Variants in ITGA9 observed in about 807,000 individuals in gnomAD.
ITGA9 encodes the protein integrin subunit alpha 9, also known as integrin alpha-9.
In ITGA9, 56 loss-of-function variants were observed where a neutral mutation model predicts 127.8. The ratio of observed to expected loss-of-function variants is 0.44; its 90% CI spans 0.35 to 0.55. ITGA9 has a LOEUF of 0.55. Among genes scored for constraint, ITGA9 ranks in the 20% least tolerant of loss-of-function variants. The probability of loss-of-function intolerance (pLI) is 0.00; values close to 1 mark genes in which losing one functional copy is unlikely to be tolerated. For synonymous variants in ITGA9, 508 were observed against 514.5 expected (o/e 0.99, Z 0.17); for missense variants, 1,196 against 1,347.1 (o/e 0.89, Z 1.76).
intron 3 of ITGA9, among the ~76,000 whole-genome samples, chr3:37,477,007 G>A (rs1366365894): frequency 1.3e-5 from 2 of 152,092 alleles, no homozygotes; most frequent in Non-Finnish European, 2.9e-5. Context: ...GAAACACCAG[G>A]AAACATTCTG....
intron 15 of ITGA9, among the ~76,000 whole-genome samples, chr3:37,575,140 C>G (rs1371811754): frequency 1.3e-5 from 2 of 152,008 alleles, no homozygotes; most frequent in Non-Finnish European, 2.9e-5. Flanking sequence ...TGCTTCTCAC[C>G]CCAAGGTACC....
At chr3:37,455,193 C>T (rs1339989803) in intron 1 of ITGA9, among the ~76,000 whole-genome samples, 1 of 152,326 alleles carries the variant, frequency 6.6e-6, no homozygotes, top group Admixed American at 6.5e-5. Flanking sequence ...TACTCCTAAG[C>T]AGTACCTGAG....
chr3:37,550,318 G>A (rs368575695), intron 15 of ITGA9, among the ~76,000 whole-genome samples: 8 of 152,322 alleles, frequency 5.3e-5, no homozygotes, highest in African/African-American at 1.9e-4. Context: ...CTCAGGCTAT[G>A]AACTAGTGAG....
At chr3:37,685,183 A>G (rs1343749486) in intron 18 of ITGA9, among the ~76,000 whole-genome samples, 2 of 152,176 alleles carry the variant, frequency 1.3e-5, no homozygotes, top group Non-Finnish European at 2.9e-5. Context: ...GAGCAGGTCA[A>G]CGGCGTTTGT....
At chr3:37,800,911 G>T (rs1234336459) in intron 26 of ITGA9, among the ~76,000 whole-genome samples, 1 of 152,156 alleles carries the variant, frequency 6.6e-6, no homozygotes, top group East Asian at 1.9e-4. Flanking sequence ...AGCACTTTGG[G>T]AGGCTGAAGC....
At chr3:37,781,380 T>C (rs975032831) in intron 25 of ITGA9, among the ~76,000 whole-genome samples, 1 of 152,180 alleles carries the variant, frequency 6.6e-6, no homozygotes, top group Admixed American at 6.5e-5. Flanking sequence ...CTCAAATAAA[T>C]GGGCATGGCT....
chr3:37,603,958 G>T (rs1288678808), intron 15 of ITGA9, among the ~76,000 whole-genome samples: 1 of 152,204 alleles, frequency 6.6e-6, no homozygotes, highest in Non-Finnish European at 1.5e-5. Context: ...TTCAAGGTGT[G>T]CTGAGCCCAG....
At chr3:37,764,177 A>G (rs536481777) in intron 23 of ITGA9, among the ~76,000 whole-genome samples, 29 of 152,276 alleles carry the variant, frequency 1.9e-4, no homozygotes, top group African/African-American at 6.7e-4. Context: ...TTGAGCTATT[A>G]CCTTGACTTC....
intron 14 of ITGA9, among the ~76,000 whole-genome samples, chr3:37,538,559 T>C (rs1699234826): frequency 6.6e-6 from 1 of 152,264 alleles, no homozygotes; most frequent in South Asian, 2.1e-4. Flanking sequence ...GCTTACCTCA[T>C]GGCCGGCTGT....
chr3:37,638,803 C>T (rs557184424), intron 16 of ITGA9, among the ~76,000 whole-genome samples: 1 of 152,318 alleles, frequency 6.6e-6, no homozygotes, highest in Admixed American at 6.5e-5. Context: ...AGTGGAATCG[C>T]TGCACAGACT....
intron 15 of ITGA9, among the ~76,000 whole-genome samples, chr3:37,563,734 T>TA (rs1182274131): frequency 6.6e-6 from 1 of 152,242 alleles, no homozygotes; most frequent in East Asian, 1.9e-4. Context: ...TGCTGCCCTG[T>TA]AACTCCATCA....
intron 1 of ITGA9, among the ~76,000 whole-genome samples, chr3:37,458,009 ATGT>A (rs1347689506): frequency 6.6e-6 from 1 of 152,228 alleles, no homozygotes. Context: ...TTCAGGGAAA[ATGT>A]TGTTTTTACA....
chr3:37,502,110 A>G (rs1377360299), intron 5 of ITGA9, among the ~76,000 whole-genome samples: 1 of 152,044 alleles, frequency 6.6e-6, no homozygotes, highest in African/African-American at 2.4e-5. Context: ...GGTTGTTGTC[A>G]GCATTGGTGA....
At chr3:37,765,494 A>G (rs1244259350) in intron 23 of ITGA9, among the ~76,000 whole-genome samples, 1 of 152,062 alleles carries the variant, frequency 6.6e-6, no homozygotes, top group Non-Finnish European at 1.5e-5. Context: ...CTTTCTGCAC[A>G]TGTATGAATG....
chr3:37,611,326 A>G (rs918093375), intron 15 of ITGA9, among the ~76,000 whole-genome samples: 3 of 152,176 alleles, frequency 2.0e-5, no homozygotes, highest in African/African-American at 7.2e-5. Context: ...TTTAGATGTC[A>G]TCTCAGAAGG....
intron 15 of ITGA9, among the ~76,000 whole-genome samples, chr3:37,566,552 A>T (rs925831563): frequency 3.3e-5 from 5 of 152,242 alleles, no homozygotes; most frequent in Non-Finnish European, 7.3e-5. Flanking sequence ...ACTCAAGATT[A>T]GGAATCTATT....
intron 17 of ITGA9, among the ~76,000 whole-genome samples, chr3:37,683,016 C>T (rs1217264736): frequency 2.0e-5 from 3 of 152,184 alleles, no homozygotes; most frequent in Admixed American, 6.5e-5. Context: ...CGTCAAGTCA[C>T]GCTGCTCCTC....
chr3:37,520,571 A>G (rs1466260457), intron 11 of ITGA9, among the ~76,000 whole-genome samples: 3 of 152,244 alleles, frequency 2.0e-5, no homozygotes, highest in African/African-American at 7.2e-5. Context: ...AAACTTACGA[A>G]TATGGAAACT....
chr3:37,696,462 A>C (rs1700886194), intron 18 of ITGA9, among the ~76,000 whole-genome samples: 7 of 152,184 alleles, frequency 4.6e-5, no homozygotes, highest in Admixed American at 4.6e-4. Context: ...CGATGTTGTC[A>C]ATGTGTTTGG....
Sources: allele counts gnomAD v4.1 joint callset (sites outside exome capture counted in the v4.1 genomes callset), GRCh38; gene constraint gnomAD v4.1.1; transcripts MANE v1.5; gene names NCBI Gene and HGNC (gene_info 2026-07-23, HGNC 2026-07-21).